Variants in GMDS observed in about 807,000 individuals in gnomAD.
GMDS encodes GDP-mannose 4,6-dehydratase.
Under a neutral mutation model 49.9 loss-of-function variants are expected in GMDS, and 20 were observed. That is an observed-to-expected ratio of 0.40 (90% confidence interval 0.28 to 0.58). The LOEUF (loss-of-function observed/expected upper bound fraction) is 0.58. GMDS is among the 20% of genes least tolerant of loss of function. The pLI, the probability that GMDS is intolerant of heterozygous loss-of-function variation, is 0.42. For missense variants in GMDS, 362 were observed against 481.4 expected (o/e 0.75, Z 2.32); for synonymous variants, 177 against 178.6 (o/e 0.99, Z 0.07).
intron 7 of GMDS, among the ~76,000 whole-genome samples, chr6:1,803,170 G>A (rs544776970): frequency 2.0e-5 from 3 of 152,150 alleles, no homozygotes; most frequent in African/African-American, 7.2e-5. Flanking sequence ...CTGTATGTTT[G>A]AGAAATGTTT....
At chr6:1,686,247 G>A (rs574254967) in intron 9 of GMDS, among the ~76,000 whole-genome samples, 3 of 151,906 alleles carry the variant, frequency 2.0e-5, no homozygotes, top group South Asian at 4.2e-4. Context: ...AGTGTAGAGC[G>A]TTCAGTTGGT....
At position 1,825,210 on chromosome 6, in the gene GMDS, C is replaced by T. The variant is rs191739632; in HGVS notation, c.772-82624G>A. Among the ~76,000 whole-genome samples the T allele has an allele frequency of 3.9e-5, 6 of 152,264 alleles. No individual in the cohort carries two copies. In the East Asian group the frequency reaches 5.8e-4, roughly 15 times the overall value. ...AAAGCAACGCATTGGCTGAGAAGATCGCTGATGACGTTTAACTTGTATAGC... is the reference window on the plus strand; with the variant it reads ...AAAGCAACGCATTGGCTGAGAAGATTGCTGATGACGTTTAACTTGTATAGC... On this transcript the variant is annotated intron_variant, in intron 7 of 10. Coordinates refer to ENST00000380815, the MANE Select transcript of GMDS (RefSeq NM_001500.4).
intron 9 of GMDS, among the ~76,000 whole-genome samples, chr6:1,714,443 G>A (rs1022549): frequency 0.78 from 119,219 of 151,922 alleles, 46,913 homozygotes; most frequent in East Asian, 1. Context: ...TAGGTGAAGA[G>A]AAAAAGGAAT....
intron 4 of GMDS, among the ~76,000 whole-genome samples, chr6:2,046,452 T>C (rs540877743): frequency 4.6e-5 from 7 of 152,120 alleles, no homozygotes; most frequent in Non-Finnish European, 8.8e-5. Context: ...CCTTCTATGA[T>C]GTTTCCTTTT....
At chr6:1,930,062 G>C in intron 7 of GMDS, 41 bp downstream of exon 7, 1 of 1,553,404 alleles carries the variant, frequency 6.4e-7, no homozygotes, top group Non-Finnish European at 8.8e-7. Context: ...GAATATCAAT[G>C]GATACGGGTA....
chr6:1,856,306 GAA>G (rs1757936883), intron 7 of GMDS, among the ~76,000 whole-genome samples: 1 of 152,196 alleles, frequency 6.6e-6, no homozygotes, highest in Non-Finnish European at 1.5e-5. Context: ...CAACGTCACA[GAA>G]ATGTGCTCTA....
intron 4 of GMDS, among the ~76,000 whole-genome samples, chr6:2,063,181 T>C (rs1477471095): frequency 2.0e-5 from 3 of 152,150 alleles, no homozygotes; most frequent in Admixed American, 6.5e-5. Context: ...TATTGAAAAG[T>C]AAGAAAAAAA....
At chr6:1,708,637 T>C (rs9405506) in intron 9 of GMDS, among the ~76,000 whole-genome samples, 52,160 of 152,186 alleles carry the variant, frequency 0.34, 10,084 homozygotes, top group African/African-American at 0.52. Flanking sequence ...TATAAACTGC[T>C]GGTAGAATAT....
intron 6 of GMDS, among the ~76,000 whole-genome samples, chr6:1,939,778 GAAT>G: frequency 6.6e-6 from 1 of 152,254 alleles, no homozygotes. Context: ...TTTAAGACAT[GAAT>G]AATAGCCAAT....
chr6:2,022,793 A>G (rs553866189), intron 4 of GMDS, among the ~76,000 whole-genome samples: 1 of 152,332 alleles, frequency 6.6e-6, no homozygotes, highest in East Asian at 1.9e-4. Context: ...ACAGTTGGAA[A>G]TCAGTTAATT....
chr6:2,005,901 C>A (rs910056641), intron 4 of GMDS, among the ~76,000 whole-genome samples: 14 of 152,172 alleles, frequency 9.2e-5, no homozygotes, highest in African/African-American at 3.4e-4. Flanking sequence ...CCTAACCAGG[C>A]TCTTTTCACT....
intron 1 of GMDS, among the ~76,000 whole-genome samples, chr6:2,212,543 A>G (rs1484549078): frequency 1.3e-5 from 2 of 152,182 alleles, no homozygotes; most frequent in Non-Finnish European, 2.9e-5. Context: ...AACAATACAT[A>G]TTCTCTAACT....
intron 9 of GMDS, among the ~76,000 whole-genome samples, chr6:1,674,620 A>G (rs1213462188): frequency 7.9e-6 from 1 of 127,062 alleles, no homozygotes; most frequent in African/African-American, 3.0e-5. Flanking sequence ...GCTGGAGCGC[A>G]GTGATGCATT....
chr6:1,672,263 C>T (rs1042820428), intron 9 of GMDS, among the ~76,000 whole-genome samples: 11 of 152,090 alleles, frequency 7.2e-5, no homozygotes, highest in African/African-American at 2.4e-4. Context: ...GTGTCCAAGC[C>T]GTGATGCGTG....
rs190993046 is a variant in GMDS at position 1,699,480 on chromosome 6, C to T, written c.987+26936G>A. Among the ~76,000 whole-genome samples the T allele has an allele frequency of 1.2e-3, 182 of 152,174 alleles. 1 individual carries two copies. Among genetic ancestry groups the T allele is most frequent in the African/African-American group, 4.0e-3 (165 of 41,502 alleles). ...GGGTTTAAAACAATACGTGTCGATC[C>T]TCTTACGTTCTTGGTGTGGGCAGGG... On this transcript the variant is annotated intron_variant, in intron 9 of 10. Transcript: ENST00000380815.
At chr6:2,070,420 A>T (rs1040733001) in intron 4 of GMDS, among the ~76,000 whole-genome samples, 1 of 152,066 alleles carries the variant, frequency 6.6e-6, no homozygotes, top group African/African-American at 2.4e-5. Flanking sequence ...AAGTATAATA[A>T]TAATAAAAAA....
chr6:1,647,532 A>T (rs1288387982), intron 9 of GMDS, among the ~76,000 whole-genome samples: 1 of 152,232 alleles, frequency 6.6e-6, no homozygotes, highest in Non-Finnish European at 1.5e-5. Context: ...ATATATTTTG[A>T]GTACTCACTA....
rs755490441 is a variant in GMDS, at chr6:1,969,289, A to AGAG, written c.346-8324_346-8323insCTC. On this transcript the variant is annotated intron_variant, in intron 4 of 10. Coordinates refer to ENST00000380815, the MANE Select transcript of GMDS (RefSeq NM_001500.4). ...AAAAAAAAAAAAAAAAAAAAAAAAA[A>AGAG]AGAGAAAGAAAGAAAAAAAGAAATT... 1.1e-3 allele frequency among the ~76,000 whole-genome samples: 93 copies of AGAG among 84,356 alleles called. 13 individuals carry two copies. The highest frequency in any genetic ancestry group is 1.7e-3 in the African/African-American group (40 of 23,082). The allele number at this position is 84,356 out of a possible 152,430, so 55.3% of individuals were successfully genotyped here.
chr6:2,054,761 A>G (rs893599257), intron 4 of GMDS, among the ~76,000 whole-genome samples: 1 of 152,102 alleles, frequency 6.6e-6, no homozygotes, highest in Non-Finnish European at 1.5e-5. Flanking sequence ...GGGGGGGAAA[A>G]AAAAAACATT....
Sources: gnomAD v4.1 joint callset for allele counts (sites outside exome capture counted in the v4.1 genomes callset) on GRCh38, gnomAD v4.1.1 for gene constraint, MANE v1.5 for transcripts, NCBI Gene and HGNC (gene_info 2026-07-23, HGNC 2026-07-21) for gene names.